Variants in AGBL3 observed in about 807,000 individuals in gnomAD.
AGBL3 encodes the protein cytosolic carboxypeptidase 3.
In AGBL3, 68 loss-of-function variants were observed where a neutral mutation model predicts 94.5. That is an observed-to-expected ratio of 0.72 (90% CI 0.59 to 0.88). The LOEUF is 0.88. Among genes scored for constraint, AGBL3 ranks in the 40% least tolerant of loss-of-function variants. The pLI is 0.00. For missense variants in AGBL3, 934 were observed against 1,103.8 expected (o/e 0.85, Z 2.18); for synonymous variants, 354 against 370.7 (o/e 0.95, Z 0.52).
Position 135,034,755 on chromosome 7 carries a change from A to G in AGBL3, c.1164A>G (p.Ala388=). The G allele has an allele frequency of 1.3e-6, 2 of 1,551,618 alleles. No homozygotes were observed. The highest frequency in any genetic ancestry group is 1.7e-6 in the Non-Finnish European group (2 of 1,146,954). ...LDYILGNSSD[A]QLLRDTFVFK... is the part of the protein sequence containing the mutation. ...ATATTTTAGGAAACTCAAGTGATGCACAGTTGCTTCGGGACACTTTTGTCT... is the reference window on the plus strand; with the variant it reads ...ATATTTTAGGAAACTCAAGTGATGCGCAGTTGCTTCGGGACACTTTTGTCT... Residue 388 remains alanine, a synonymous_variant, in exon 7 of 17, where the codon GCA becomes GCG. Coordinates refer to ENST00000436302, the MANE Select transcript of AGBL3 (RefSeq NM_178563.4).
intron 2 of AGBL3, among the ~76,000 whole-genome samples, chr7:134,988,530 A>G (rs965029834): frequency 1.3e-5 from 2 of 152,220 alleles, no homozygotes; most frequent in Non-Finnish European, 2.9e-5. Context: ...TTATTAAAGT[A>G]TAAATTATGT....
chr7:135,090,959 T>C (rs1821767557), intron 15 of AGBL3, among the ~76,000 whole-genome samples: 1 of 152,094 alleles, frequency 6.6e-6, no homozygotes, highest in South Asian at 2.1e-4. Flanking sequence ...GCTCCTTCTC[T>C]GGGGGGAGCA....
chr7:135,035,650 A>G (rs928307834), intron 7 of AGBL3, among the ~76,000 whole-genome samples: 1 of 152,178 alleles, frequency 6.6e-6, no homozygotes, highest in Non-Finnish European at 1.5e-5. Context: ...TATGGGTAAA[A>G]AGAAAATCCA....
At chr7:134,992,211 T>C (rs1810374247) in intron 3 of AGBL3, among the ~76,000 whole-genome samples, 1 of 152,250 alleles carries the variant, frequency 6.6e-6, no homozygotes, top group Non-Finnish European at 1.5e-5. Flanking sequence ...AGCAGTTGTT[T>C]TGCTTGTGGA....
chr7:135,038,713 G>A (rs937781647), intron 8 of AGBL3, among the ~76,000 whole-genome samples: 4 of 152,182 alleles, frequency 2.6e-5, no homozygotes, highest in African/African-American at 9.7e-5. Context: ...TGTAATCCTA[G>A]CACTTTGGGA....
chr7:135,103,033 T>C (rs1824089684), intron 15 of AGBL3, among the ~76,000 whole-genome samples: 2 of 152,208 alleles, frequency 1.3e-5, no homozygotes, highest in Admixed American at 1.3e-4. Flanking sequence ...GGCCTTGTTT[T>C]ATACCTATGT....
At chr7:135,077,917 A>T (rs774010298) in intron 13 of AGBL3, among the ~76,000 whole-genome samples, 37 of 152,064 alleles carry the variant, frequency 2.4e-4, no homozygotes, top group Non-Finnish European at 4.6e-4. Context: ...TTTTAGAGAG[A>T]CAGTTAACAA....
intron 15 of AGBL3, among the ~76,000 whole-genome samples, chr7:135,108,139 T>C (rs1168234213): frequency 1.3e-5 from 2 of 152,134 alleles, no homozygotes; most frequent in East Asian, 3.8e-4. Flanking sequence ...GAAGATAGCA[T>C]ACCATTAGAT....
chr7:135,107,842 T>G (rs1287624848), intron 15 of AGBL3, among the ~76,000 whole-genome samples: 3 of 152,194 alleles, frequency 2.0e-5, no homozygotes, highest in Non-Finnish European at 4.4e-5. Flanking sequence ...TGTGTGGGAA[T>G]CTAAGTCTTT....
chr7:135,090,353 GC>G, intron 15 of AGBL3, among the ~76,000 whole-genome samples: 1 of 152,276 alleles, frequency 6.6e-6, no homozygotes, highest in Non-Finnish European at 1.5e-5. Flanking sequence ...ACTCTAAGGG[GC>G]TAGTTCAACT....
chr7:135,026,357 C>T (rs1815144806), intron 5 of AGBL3, among the ~76,000 whole-genome samples: 2 of 149,854 alleles, frequency 1.3e-5, no homozygotes, highest in South Asian at 2.2e-4. Flanking sequence ...TCATTGCAAC[C>T]TCCGCCTCTT....
At chr7:135,050,707 T>G (rs906734310) in intron 11 of AGBL3, among the ~76,000 whole-genome samples, 53 of 152,060 alleles carry the variant, frequency 3.5e-4, no homozygotes, top group African/African-American at 1.3e-3. Flanking sequence ...AAAGTCTATT[T>G]TATCTGATAT....
intron 15 of AGBL3, among the ~76,000 whole-genome samples, chr7:135,114,310 T>C (rs1210130038): frequency 1.3e-5 from 2 of 152,212 alleles, no homozygotes; most frequent in East Asian, 1.9e-4. Flanking sequence ...TACATTCTTA[T>C]TAATAATGTG....
At chr7:135,009,630 TC>T (rs1812852008) in intron 4 of AGBL3, among the ~76,000 whole-genome samples, 1 of 152,128 alleles carries the variant, frequency 6.6e-6, no homozygotes, top group Non-Finnish European at 1.5e-5. Flanking sequence ...AGGCTGCTGT[TC>T]CCCTCCCCAA....
rs1344154636 is a variant in AGBL3 at position 134,988,154 on chromosome 7, A to G, written c.63+158A>G. 5.2e-6 allele frequency: 3 copies of G among 581,610 alleles called. No homozygotes were observed. The East Asian group carries it at 9.3e-5, about 18-fold the overall frequency. The allele number at this position is 581,610 out of a possible 1,614,324, so 36.0% of individuals were successfully genotyped here. The stretch of plus-strand genomic sequence containing the variant: ...ATAATTTGGCTGAAAAAGCTAAGCT[A>G]TCACTGGGAACACTATGCCCTGTCT... On this transcript the variant is annotated intron_variant, in intron 2 of 16. Transcript: ENST00000436302.
intron 12 of AGBL3, among the ~76,000 whole-genome samples, chr7:135,073,512 A>AAATAAACAAACT (rs1554510800): frequency 6.9e-6 from 1 of 144,122 alleles, no homozygotes; most frequent in Non-Finnish European, 1.5e-5. Context: ...ATAAATAAAT[A>AAATAAACAAACT]AACCTTGCAG....
Position 135,085,552 on chromosome 7 carries a change from A to G in AGBL3, c.2110+3762A>G, listed in dbSNP as rs2116877819. Among the ~76,000 whole-genome samples the G allele has an allele frequency of 2.0e-5, 3 of 151,976 alleles. No individual in the cohort carries two copies. The East Asian group carries it at 5.8e-4, about 29-fold the overall frequency. ...TGGTGAGAGATAGGAGTCCAGTTTC[A>G]TTTTTCTGTGTATTGATATCTAGCT... On this transcript the variant is annotated intron_variant, in intron 15 of 16. Coordinates refer to ENST00000436302, the MANE Select transcript of AGBL3 (RefSeq NM_178563.4).
chr7:135,072,774 GA>G (rs1563238392), intron 12 of AGBL3, among the ~76,000 whole-genome samples: 1 of 132,164 alleles, frequency 7.6e-6, no homozygotes, highest in Non-Finnish European at 1.6e-5. Flanking sequence ...TGGAGTGGGG[GA>G]GGGGGGAGGG....
intron 4 of AGBL3, among the ~76,000 whole-genome samples, chr7:134,994,950 A>G (rs777572723): frequency 2.6e-4 from 39 of 152,044 alleles, no homozygotes; most frequent in Admixed American, 3.3e-4. Context: ...CAGTCCTTCT[A>G]CCATCATCCC....
Sources: allele counts gnomAD v4.1 joint callset (sites outside exome capture counted in the v4.1 genomes callset), GRCh38; gene constraint gnomAD v4.1.1; transcripts MANE v1.5; gene names NCBI Gene and HGNC (gene_info 2026-07-23, HGNC 2026-07-21).